VRK2: variants seen among roughly 807,000 people sequenced by gnomAD.
The protein encoded by VRK2 is serine/threonine-protein kinase VRK2.
In VRK2, 60 loss-of-function variants were observed where a neutral mutation model predicts 57.6. The observed-to-expected ratio is 1.04, with a 90% confidence interval of 0.85 to 1.29. The LOEUF (loss-of-function observed/expected upper bound fraction) is 1.29, where lower values mean the gene tolerates loss of function less well. Ranked by LOEUF, VRK2 falls within the 50% of genes most tolerant of loss-of-function variation. The probability of loss-of-function intolerance (pLI) is 0.00; values close to 1 mark genes in which losing one functional copy is unlikely to be tolerated. For missense variants in VRK2, 705 were observed against 588.1 expected (o/e 1.20, Z -2.06); for synonymous variants, 231 against 199.2 (o/e 1.16, Z -1.35).
At chr2:58,047,244 C>T in intron 1 of VRK2, 1 of 297,720 alleles carries the variant, frequency 3.4e-6, no homozygotes, top group Non-Finnish European at 5.0e-6. Flanking sequence ...GCGGCTGGGC[C>T]GCGCTGCTTC....
At chr2:57,930,002 G>T (rs1372968287) in intron 1 of VRK2, among the ~76,000 whole-genome samples, 1 of 151,976 alleles carries the variant, frequency 6.6e-6, no homozygotes, top group East Asian at 1.9e-4. Flanking sequence ...GTTTCTCCCA[G>T]AGCTGTGAGC....
chr2:57,925,003 G>A (rs1670484759), intron 1 of VRK2, among the ~76,000 whole-genome samples: 1 of 151,872 alleles, frequency 6.6e-6, no homozygotes, highest in Admixed American at 6.6e-5. Flanking sequence ...TTGATATGAT[G>A]TATCACATTC....
intron 10 of VRK2, among the ~76,000 whole-genome samples, chr2:58,138,444 A>G (rs17049370): frequency 0.026 from 3,896 of 152,280 alleles, 167 homozygotes; most frequent in African/African-American, 0.089. Flanking sequence ...AAAGCCCAGA[A>G]CCAAGAGTTT....
intron 1 of VRK2, among the ~76,000 whole-genome samples, chr2:58,019,537 T>C (rs556167437): frequency 6.6e-6 from 1 of 152,350 alleles, no homozygotes; most frequent in African/African-American, 2.4e-5. Context: ...CCATCTTTGA[T>C]TTTCAAATGC....
chr2:58,093,126 A>G (rs1451942461), intron 7 of VRK2, among the ~76,000 whole-genome samples: 1 of 152,180 alleles, frequency 6.6e-6, no homozygotes, highest in Admixed American at 6.5e-5. Flanking sequence ...ATAAACATAC[A>G]TGTGCATGTG....
chr2:57,961,050 C>T (rs534442561), intron 1 of VRK2, among the ~76,000 whole-genome samples: 5 of 152,150 alleles, frequency 3.3e-5, no homozygotes, highest in Admixed American at 2.0e-4. Context: ...GACACAAGGA[C>T]GTCATCAAAG....
intron 1 of VRK2, among the ~76,000 whole-genome samples, chr2:57,963,398 A>G (rs1437136659): frequency 6.6e-6 from 1 of 152,222 alleles, no homozygotes; most frequent in Admixed American, 6.5e-5. Flanking sequence ...ATCCTAATGT[A>G]AAAACTGCAA....
chr2:57,945,857 A>G (rs1558506866), intron 1 of VRK2, among the ~76,000 whole-genome samples: 1 of 152,202 alleles, frequency 6.6e-6, no homozygotes, highest in Non-Finnish European at 1.5e-5. Context: ...GAACATAGAA[A>G]ACTTAAGTAA....
At chr2:58,003,189 A>C (rs1194836179) in intron 1 of VRK2, among the ~76,000 whole-genome samples, 1 of 152,214 alleles carries the variant, frequency 6.6e-6, no homozygotes, top group African/African-American at 2.4e-5. Context: ...GATATTTTGT[A>C]CTAGAAAGCA....
intron 7 of VRK2, among the ~76,000 whole-genome samples, chr2:58,107,767 A>T (rs1240427705): frequency 6.6e-6 from 1 of 152,192 alleles, no homozygotes; most frequent in Non-Finnish European, 1.5e-5. Flanking sequence ...GTCACATCCC[A>T]GTGGACAGTG....
At chr2:58,058,429 G>GCAATCGGAAGCTTCGACATGTGTGA (rs1676850321) in intron 2 of VRK2, 1 of 470,366 alleles carries the variant, frequency 2.1e-6, no homozygotes, top group African/African-American at 2.0e-5. Context: ...TCAAGCAAGA[G>GCAATCGGAAGCTTCGACATGTGTGA]CAATCGGAAG....
intron 1 of VRK2, among the ~76,000 whole-genome samples, chr2:57,980,444 T>C (rs1428461187): frequency 6.6e-6 from 1 of 152,174 alleles, no homozygotes; most frequent in Non-Finnish European, 1.5e-5. Context: ...GAGAATTGCT[T>C]TATAGCAGAG....
At chr2:57,920,645 A>G (rs1389450234) in intron 1 of VRK2, among the ~76,000 whole-genome samples, 1 of 152,088 alleles carries the variant, frequency 6.6e-6, no homozygotes, top group East Asian at 1.9e-4. Context: ...ACTGCTATTC[A>G]AAACGTTGCT....
intron 7 of VRK2, among the ~76,000 whole-genome samples, chr2:58,098,621 T>C (rs1261466934): frequency 6.6e-6 from 1 of 152,100 alleles, no homozygotes; most frequent in Non-Finnish European, 1.5e-5. Context: ...GCCTAGGAGC[T>C]ATAAGTTGTA....
chr2:58,130,079 AT>A (rs772299413), intron 8 of VRK2, among the ~76,000 whole-genome samples: 46 of 152,320 alleles, frequency 3.0e-4, no homozygotes, highest in Non-Finnish European at 5.0e-4. Flanking sequence ...ATGACTTGTC[AT>A]TACTTACAGC....
At chr2:58,112,445 G>A (rs1573171173) in intron 7 of VRK2, among the ~76,000 whole-genome samples, 1 of 152,222 alleles carries the variant, frequency 6.6e-6, no homozygotes, top group East Asian at 1.9e-4. Flanking sequence ...ATTCTAGACT[G>A]TCTTTCTCTA....
upstream of VRK2, among the ~76,000 whole-genome samples, chr2:58,042,129 A>T (rs935136735): frequency 1.3e-5 from 2 of 152,160 alleles, no homozygotes; most frequent in Non-Finnish European, 2.9e-5. Context: ...CTTATCTCAG[A>T]TACTTTTTGG....
intron 1 of VRK2, among the ~76,000 whole-genome samples, chr2:57,960,001 G>T (rs1671707905): frequency 6.7e-6 from 1 of 149,402 alleles, no homozygotes; most frequent in South Asian, 2.1e-4. Context: ...GGATGTGTGT[G>T]CATGGGTGTG....
At chr2:58,076,173 T>A (rs1212671500) in intron 2 of VRK2, among the ~76,000 whole-genome samples, 1 of 151,304 alleles carries the variant, frequency 6.6e-6, no homozygotes, top group African/African-American at 2.4e-5. Context: ...AGTTGAGTGT[T>A]CCTACTCCAT....
Sources: gnomAD v4.1 joint callset for allele counts (sites outside exome capture counted in the v4.1 genomes callset) on GRCh38, gnomAD v4.1.1 for gene constraint, MANE v1.5 for transcripts, NCBI Gene and HGNC (gene_info 2026-07-23, HGNC 2026-07-21) for gene names.